Variants in HIP1 observed in about 807,000 individuals in gnomAD.
HIP1 encodes huntingtin-interacting protein 1.
In HIP1, 65 loss-of-function variants were observed where a neutral mutation model predicts 147.6. The observed-to-expected ratio is 0.44, with a 90% CI of 0.36 to 0.54. HIP1 has a LOEUF of 0.54. Among genes scored for constraint, HIP1 ranks in the 20% least tolerant of loss-of-function variants. The probability of loss-of-function intolerance (pLI) is 0.00; values close to 1 mark genes in which losing one functional copy is unlikely to be tolerated. For missense variants in HIP1, 1,061 were observed against 1,299.6 expected, an observed-to-expected ratio of 0.82 and a Z score of 2.82; for synonymous variants, 479 against 504.0, an observed-to-expected ratio of 0.95 and a Z score of 0.67.
chr7:75,694,703 T>G (rs1554518602), intron 1 of HIP1, among the ~76,000 whole-genome samples: 1 of 149,146 alleles, frequency 6.7e-6, no homozygotes, highest in East Asian at 2.0e-4. Context: ...AGAAATGGGG[T>G]CTCACTATGT....
At chr7:75,632,901 C>G (rs587615248) in intron 1 of HIP1, among the ~76,000 whole-genome samples, 1 of 152,166 alleles carries the variant, frequency 6.6e-6, no homozygotes, top group South Asian at 2.1e-4. Flanking sequence ...CAAAATGACA[C>G]AGGAACAGAA....
chr7:75,583,849 A>C (rs1796152554), intron 5 of HIP1, among the ~76,000 whole-genome samples: 1 of 148,660 alleles, frequency 6.7e-6, no homozygotes, highest in Non-Finnish European at 1.5e-5. Context: ...GCTGGTCTTG[A>C]ACTCCTGACC....
intron 1 of HIP1, chr7:75,611,759 G>C (rs1797446144): frequency 1.9e-6 from 2 of 1,037,890 alleles, no homozygotes; most frequent in African/African-American, 3.4e-5. Context: ...ACCAAGCCGT[G>C]TCTCCCCTGA....
At chr7:75,551,932 C>G (rs1794800396) in intron 22 of HIP1, among the ~76,000 whole-genome samples, 1 of 151,978 alleles carries the variant, frequency 6.6e-6, no homozygotes, top group Non-Finnish European at 1.5e-5. Context: ...TCCTGTTGCC[C>G]AGGTTGGAGT....
chr7:75,613,053 A>C (rs143041711), intron 1 of HIP1, among the ~76,000 whole-genome samples: 2,384 of 152,160 alleles, frequency 0.016, 73 homozygotes, highest in African/African-American at 0.052. Context: ...GCAGTGAGCT[A>C]TGATCATACC....
intron 1 of HIP1, among the ~76,000 whole-genome samples, chr7:75,715,040 G>A (rs1425140479): frequency 6.6e-6 from 1 of 152,106 alleles, no homozygotes; most frequent in Non-Finnish European, 1.5e-5. Context: ...CCCTCAATAT[G>A]GGTTTGTCTG....
chr7:75,704,313 A>T (rs1800924696), intron 1 of HIP1, among the ~76,000 whole-genome samples: 1 of 151,182 alleles, frequency 6.6e-6, no homozygotes. Context: ...TGGCGTGATC[A>T]CGGTTCACTG....
At position 75,566,210 on chromosome 7, in the gene HIP1, C is replaced by T. The variant is rs113526481; in HGVS notation, c.803+1989G>A. Among the ~76,000 whole-genome samples the T allele has an allele frequency of 4.8e-3, 721 of 150,900 alleles. 5 individuals carry two copies. Among genetic ancestry groups the T allele is most frequent in the Non-Finnish European group, 8.3e-3 (562 of 67,970 alleles). On this transcript the variant is annotated intron_variant, in intron 9 of 30. Coordinates refer to ENST00000336926, the MANE Select transcript of HIP1 (RefSeq NM_005338.7). ...TGCCCTGCTAATTTTTTAGTAGAGA[C>T]GGGGTTTCACCATGTTGGCCAGGCT...
In HIP1 at chr7:75,537,419, T is replaced by C. The variant is rs897686282; in HGVS notation, c.*753A>G. On this transcript the variant is annotated 3_prime_UTR_variant, in exon 31 of 31. Coordinates refer to ENST00000336926, the MANE Select transcript of HIP1 (RefSeq NM_005338.7). ...GGCGGAGATGGAGCACCGAGAGGCC[T>C]GGGCAGCACCATCGCTGGAGCTACC... 1.7e-5 allele frequency: 4 copies of C among 231,038 alleles called. No homozygotes were observed. The highest frequency in any genetic ancestry group is 3.4e-5 in the Non-Finnish European group (4 of 117,252). The allele number at this position is 231,038 out of a possible 1,614,324, so 14.3% of individuals were successfully genotyped here.
intron 9 of HIP1, among the ~76,000 whole-genome samples, chr7:75,566,970 G>A (rs1402204029): frequency 6.6e-6 from 1 of 151,014 alleles, no homozygotes; most frequent in Admixed American, 6.6e-5. Context: ...AAATTAGTCG[G>A]GCATGGTGGT....
intron 1 of HIP1, among the ~76,000 whole-genome samples, chr7:75,691,268 C>T (rs115324658): frequency 0.011 from 1,650 of 149,156 alleles, 36 homozygotes; most frequent in African/African-American, 0.039. Context: ...GCAGGAGGAT[C>T]GCTTGAGGTC....
In HIP1 at chr7:75,534,914, A is replaced by G. The variant is rs1379348964; in HGVS notation, c.*3258T>C. 1 of 206,502 alleles carries G rather than the reference A, an allele frequency of 4.8e-6. No homozygotes were observed. Among genetic ancestry groups the G allele is most frequent in the Non-Finnish European group, 9.9e-6 (1 of 101,242 alleles). 12.8% of individuals were successfully genotyped at this position (206,502 alleles called of 1,614,324 possible). On this transcript the variant is annotated 3_prime_UTR_variant, in exon 31 of 31. Transcript: ENST00000336926. ...CCGAGACTTGTCACTAGTGATGCTC[A>G]GTGACTCATTTAGAAGGCTTGCAGG... is the stretch of plus-strand genomic sequence containing the variant.
intron 1 of HIP1, among the ~76,000 whole-genome samples, chr7:75,620,827 G>C (rs1763257351): frequency 6.6e-6 from 1 of 152,114 alleles, no homozygotes; most frequent in Admixed American, 6.6e-5. Flanking sequence ...GAGGTGCTAT[G>C]GAAGAAAGAT....
chr7:75,683,306 C>G (rs1041983549), intron 1 of HIP1, among the ~76,000 whole-genome samples: 4 of 152,018 alleles, frequency 2.6e-5, no homozygotes, highest in Non-Finnish European at 4.4e-5. Context: ...GAAGGGTCTT[C>G]GAGGTGCTGG....
intron 1 of HIP1, among the ~76,000 whole-genome samples, chr7:75,702,127 T>C (rs1800852449): frequency 1.3e-5 from 2 of 151,412 alleles, no homozygotes; most frequent in South Asian, 4.2e-4. Flanking sequence ...TTTTTTTTTT[T>C]TGAGATGGAG....
intron 1 of HIP1, among the ~76,000 whole-genome samples, chr7:75,619,392 G>T (rs1179616): frequency 6.6e-6 from 1 of 151,650 alleles, no homozygotes; most frequent in African/African-American, 2.4e-5. Flanking sequence ...GTGTGGTGGC[G>T]TGTGCCTGCT....
intron 1 of HIP1, among the ~76,000 whole-genome samples, chr7:75,689,666 AG>A (rs1431415039): frequency 6.6e-6 from 1 of 152,152 alleles, no homozygotes; most frequent in African/African-American, 2.4e-5. Flanking sequence ...CTTGGAGTAC[AG>A]TTTTCGACTG....
rs1800100121 is a variant in HIP1, at chr7:75,682,058, T to C, written c.120+56743A>G. Among the ~76,000 whole-genome samples the C allele has an allele frequency of 2.2e-5, 3 of 135,530 alleles. No homozygotes were observed. In the South Asian group the frequency reaches 7.0e-4, roughly 32 times the overall value. 88.9% of individuals were successfully genotyped at this position (135,530 alleles called of 152,430 possible). A position where few individuals can be genotyped will look rare whatever the true frequency, so the allele number is the denominator to read the frequency against. On this transcript the variant is annotated intron_variant, in intron 1 of 30. Transcript: ENST00000336926. ...TTTTTTTTTTTTTTGAGGCAGAGTC[T>C]TGCTCTGTCACCCAGGCTGGAGTGC...
intron 1 of HIP1, among the ~76,000 whole-genome samples, chr7:75,715,039 T>C (rs1050818360): frequency 6.6e-6 from 1 of 152,106 alleles, no homozygotes; most frequent in African/African-American, 2.4e-5. Context: ...TCCCTCAATA[T>C]GGGTTTGTCT....
Sources: gnomAD v4.1 joint callset for allele counts (sites outside exome capture counted in the v4.1 genomes callset) on GRCh38, gnomAD v4.1.1 for gene constraint, MANE v1.5 for transcripts, NCBI Gene and HGNC (gene_info 2026-07-23, HGNC 2026-07-21) for gene names.